PRKD2: variants seen among roughly 807,000 people sequenced by gnomAD.
PRKD2 encodes serine/threonine-protein kinase D2.
A neutral mutation model predicts 86.0 loss-of-function variants in PRKD2; 22 were observed. That is an observed-to-expected ratio of 0.26 (90% CI 0.18 to 0.37). PRKD2 has a LOEUF of 0.37. Ranked by LOEUF, PRKD2 falls within the 10% of genes least tolerant of loss-of-function variation. The probability of loss-of-function intolerance (pLI) is 1.00; values close to 1 mark genes in which losing one functional copy is unlikely to be tolerated. For synonymous variants in PRKD2, 509 were observed against 510.9 expected, an observed-to-expected ratio of 1.00 and a Z score of 0.05; for missense variants, 818 against 1,199.2, an observed-to-expected ratio of 0.68 and a Z score of 4.70.
In PRKD2 at chr19:46,704,354, G is replaced by C; in HGVS notation, c.704C>G (p.Pro235Arg). The change falls in exon 5 of 18, where the codon CCG becomes CGG. Residue 235 changes from proline (P) to arginine (R), a missense_variant. Physicochemically the swap from Pro to Arg is moderately radical, Grantham distance 103. This residue lies in a region of PRKD2 where 403 missense variants were observed against 518.6 expected (regional missense o/e 0.78). Transcript: ENST00000291281. ...GGCAGAAGAGGAGGAAGAGGATGAC[G>C]GGGGACGGCGAGGCAGGAGTTCGGT... The part of the protein sequence containing the change: ...STTELLPRRP[P>R]SSSSSSSASS... 1 of 1,614,092 alleles carries C rather than the reference G, an allele frequency of 6.2e-7. No homozygotes were observed. The highest frequency in any genetic ancestry group is 1.1e-5 in the South Asian group (1 of 91,084).
chr19:46,675,879 C>T (rs1425600131), intron 16 of PRKD2, among the ~76,000 whole-genome samples: 1 of 152,090 alleles, frequency 6.6e-6, no homozygotes, highest in Non-Finnish European at 1.5e-5. Flanking sequence ...GATTCTCCTG[C>T]CTTAGCCTCC....
chr19:46,685,217 C>A (rs2053378530), intron 14 of PRKD2, among the ~76,000 whole-genome samples: 1 of 144,068 alleles, frequency 6.9e-6, no homozygotes, highest in Admixed American at 7.1e-5. Flanking sequence ...TGAGACTGTA[C>A]TATTGCACTC....
intron 3 of PRKD2, chr19:46,710,614 T>A: frequency 1.1e-5 from 4 of 349,122 alleles, no homozygotes; most frequent in East Asian, 4.4e-5. Flanking sequence ...CCCCACCCTC[T>A]TCCCCCGCCA....
intron 7 of PRKD2, among the ~76,000 whole-genome samples, 183 bp downstream of exon 7, chr19:46,700,616 C>T (rs1482674881): frequency 2.0e-5 from 3 of 152,038 alleles, no homozygotes; most frequent in African/African-American, 4.8e-5. Flanking sequence ...GGCGACAGAC[C>T]GAGACCCTGT....
At position 46,685,258 on chromosome 19, in the gene PRKD2, C is replaced by CAA. The variant is rs763420052; in HGVS notation, c.1972-3512_1972-3511dup. The stretch of plus-strand genomic sequence containing the variant: ...TGGGTGACAGAGTGAGACTTCGTCT[C>CAA]AAAAAAAAAAAAAAAAAAAGAAAAG... On this transcript the variant is annotated intron_variant, in intron 14 of 17. Transcript: ENST00000291281. Among the ~76,000 whole-genome samples the CAA allele has an allele frequency of 2.3e-3, 201 of 89,034 alleles. 2 individuals are homozygous for CAA. The highest frequency in any genetic ancestry group is 3.5e-3 in the East Asian group (7 of 2,002). The allele number at this position is 89,034 out of a possible 152,430, so 58.4% of individuals were successfully genotyped here.
intron 14 of PRKD2, among the ~76,000 whole-genome samples, chr19:46,684,449 G>A (rs559571500): frequency 4.8e-4 from 73 of 152,130 alleles, no homozygotes; most frequent in African/African-American, 1.8e-3. Context: ...AGCCTCCCCA[G>A]TAGCTGGGAT....
intron 3 of PRKD2, 118 bp downstream of exon 3, chr19:46,710,789 G>T: frequency 1.8e-6 from 2 of 1,117,404 alleles, no homozygotes; most frequent in Non-Finnish European, 2.5e-6. Context: ...CCTAGGCTGC[G>T]CCCCCAGCTC....
chr19:46,697,906 T>C (rs1354742617), intron 7 of PRKD2, 56 bp from the exon 8 acceptor site: 1 of 1,399,134 alleles, frequency 7.1e-7, no homozygotes, highest in Non-Finnish European at 1.0e-6. Flanking sequence ...CCATGCTGCT[T>C]GGGAATGCAG....
In PRKD2 at chr19:46,699,918, T is replaced by TAAA. The variant is rs56355930; in HGVS notation, c.1121+878_1121+880dup. Among the ~76,000 whole-genome samples, 13 of 107,276 alleles carry TAAA rather than the reference T, an allele frequency of 1.2e-4. No individual in the cohort carries two copies. The East Asian group carries it at 1.6e-3, about 13-fold the overall frequency. The allele number at this position is 107,276 out of a possible 152,430, so 70.4% of individuals were successfully genotyped here. A position where few individuals can be genotyped will look rare whatever the true frequency, so the allele number is the denominator to read the frequency against. ...GGCAACATAGCAAGACCCCCTATCT[T>TAAA]AAAAAAAAAAAAAAAAAAAAAAGAA... On this transcript the variant is annotated intron_variant, in intron 7 of 17. Coordinates refer to ENST00000291281, the MANE Select transcript of PRKD2 (RefSeq NM_016457.5).
intron 7 of PRKD2, among the ~76,000 whole-genome samples, chr19:46,699,776 C>T (rs1187149671): frequency 2.0e-5 from 3 of 151,944 alleles, no homozygotes; most frequent in Non-Finnish European, 2.9e-5. Context: ...GTATGAACTC[C>T]GTGTATAGTT....
At chr19:46,675,192 C>T in intron 16 of PRKD2, 74 bp from the exon 17 acceptor site, 1 of 1,309,186 alleles carries the variant, frequency 7.6e-7, no homozygotes, top group South Asian at 1.3e-5. Flanking sequence ...ACCCCCTAGC[C>T]TACCTGCCTG....
chr19:46,688,815 T>C (rs1031072070), intron 14 of PRKD2: 4 of 152,244 alleles, frequency 2.6e-5, no homozygotes, highest in Non-Finnish European at 4.4e-5. Flanking sequence ...GGTCTCGCTA[T>C]GTTGCCCAGG....
chr19:46,693,890 C>G lies in PRKD2; in HGVS notation c.1561G>C (p.Gly521Arg). The change falls in exon 10 of 18, where the codon GGC becomes CGC. Residue 521 changes from glycine (G) to arginine (R), a missense_variant. Physicochemically the swap from Gly to Arg is moderately radical, Grantham distance 125. Around this residue, in one of 5 missense-constraint regions of PRKD2, gnomAD observed 154 missense variants for 359.6 expected, o/e 0.43. Transcript: ENST00000291281. The surrounding 1 kb of genome is among the most constrained non-coding windows in gnomAD (Gnocchi z 4.5). Reference protein sequence around the residue: ...VILQDAPSAPGHAPHRQASLS... With the variant: ...VILQDAPSAPRHAPHRQASLS... ...GAGGACTTACTGTGGGGCGCGTGGC[C>G]TGGGGCGCTGGGTGCGTCCTGAAGG... The G allele has an allele frequency of 6.2e-7, 1 of 1,601,862 alleles. No individual in the cohort carries two copies. The highest frequency in any genetic ancestry group is 8.5e-7 in the Non-Finnish European group (1 of 1,174,970).
At chr19:46,686,909 C>T (rs1392415132) in intron 14 of PRKD2, among the ~76,000 whole-genome samples, 2 of 151,504 alleles carry the variant, frequency 1.3e-5, no homozygotes, top group Admixed American at 1.3e-4. Context: ...CGAGATGGTG[C>T]CACTGCACTC....
intron 5 of PRKD2, among the ~76,000 whole-genome samples, chr19:46,703,521 C>T (rs781484682): frequency 5.7e-4 from 86 of 151,930 alleles, no homozygotes; most frequent in Non-Finnish European, 1.9e-4. Context: ...CCTGTAATCC[C>T]GGCATTTTGG....
chr19:46,690,338 C>T (rs1328505455), intron 13 of PRKD2, among the ~76,000 whole-genome samples: 2 of 152,184 alleles, frequency 1.3e-5, no homozygotes, highest in African/African-American at 4.8e-5. Context: ...TGTGGCTCTC[C>T]AGTACCCTCA....
At chr19:46,679,831 G>T (rs141647804) in intron 15 of PRKD2, among the ~76,000 whole-genome samples, 1 of 152,062 alleles carries the variant, frequency 6.6e-6, no homozygotes, top group African/African-American at 2.4e-5. Context: ...CACCACATCA[G>T]CCAGGCTGGT....
At chr19:46,708,025 G>A (rs1165165291) in intron 3 of PRKD2, among the ~76,000 whole-genome samples, 18 of 152,020 alleles carry the variant, frequency 1.2e-4, no homozygotes, top group Non-Finnish European at 1.5e-5. Context: ...TTGAGCCTGG[G>A]AAGTGGAGGT....
At chr19:46,709,787 A>T (rs1389641419) in intron 3 of PRKD2, among the ~76,000 whole-genome samples, 1 of 152,326 alleles carries the variant, frequency 6.6e-6, no homozygotes, top group East Asian at 1.9e-4. Flanking sequence ...CAGATCAGAG[A>T]CTTTTCGGAT....
Sources: allele counts gnomAD v4.1 joint callset (sites outside exome capture counted in the v4.1 genomes callset), GRCh38; gene constraint gnomAD v4.1.1; regional missense constraint gnomAD v4.1.1; non-coding constraint Gnocchi (gnomAD v3.1); transcripts MANE v1.5; gene names NCBI Gene and HGNC (gene_info 2026-07-23, HGNC 2026-07-21).